SLC41A3: variants seen among roughly 807,000 people sequenced by gnomAD.
The protein encoded by SLC41A3 is SLC41A1-like 2.
In SLC41A3, 44 loss-of-function variants were observed where a neutral mutation model predicts 45.4. The ratio of observed to expected loss-of-function variants is 0.97; its 90% confidence interval spans 0.76 to 1.25. The LOEUF is 1.25. SLC41A3 is among the 50% of genes most tolerant of loss of function. The probability of loss-of-function intolerance (pLI) is 0.00; values close to 1 mark genes in which losing one functional copy is unlikely to be tolerated. For missense variants in SLC41A3, 550 were observed against 600.6 expected (o/e 0.92, Z 0.88); for synonymous variants, 256 against 252.4 (o/e 1.01, Z -0.13).
In SLC41A3 at chr3:126,016,710, G is replaced by A. The variant is rs367957047; in HGVS notation, c.890+21C>T. The A allele has an allele frequency of 8.2e-6, 13 of 1,594,694 alleles. No individual in the cohort carries two copies. The East Asian group carries it at 1.1e-4, about 14-fold the overall frequency. On this transcript the variant is annotated intron_variant, in intron 7 of 10. Coordinates refer to ENST00000360370, the MANE Select transcript of SLC41A3 (RefSeq NM_017836.4). Reference sequence around the variant, plus strand: ...ATGGCTGAGAGGAGGAAGAGGGGCCGTGGCCCTGGCTCCTGCTCACCTGCT... The same window carrying A: ...ATGGCTGAGAGGAGGAAGAGGGGCCATGGCCCTGGCTCCTGCTCACCTGCT...
intron 1 of SLC41A3, among the ~76,000 whole-genome samples, chr3:126,075,706 A>G (rs1220554188): frequency 1.3e-5 from 2 of 152,236 alleles, no homozygotes; most frequent in African/African-American, 2.4e-5. Flanking sequence ...TTTCTGACAA[A>G]GGTATAAAAA....
chr3:126,021,650 C>T lies in SLC41A3; in HGVS notation c.745+1136G>A, dbSNP rs541615107. 5.9e-5 allele frequency among the ~76,000 whole-genome samples: 9 copies of T among 152,294 alleles called. No homozygotes were observed. The South Asian group carries it at 1.7e-3, about 28-fold the overall frequency. On this transcript the variant is annotated intron_variant, in intron 6 of 10. Coordinates refer to ENST00000360370, the MANE Select transcript of SLC41A3 (RefSeq NM_017836.4). Reference sequence around the variant, plus strand: ...TTTCAGGGGGACAGATTTATAATTGCCTGACCATGGCTTGACAACTGCCCA... The same window carrying T: ...TTTCAGGGGGACAGATTTATAATTGTCTGACCATGGCTTGACAACTGCCCA...
At chr3:126,036,088 A>T (rs1315182330) in intron 3 of SLC41A3, among the ~76,000 whole-genome samples, 2 of 152,174 alleles carry the variant, frequency 1.3e-5, no homozygotes, top group African/African-American at 4.8e-5. Context: ...TTTTTAAAAA[A>T]CTTCTTTGAA....
chr3:126,071,575 G>A (rs1298376726), intron 1 of SLC41A3, among the ~76,000 whole-genome samples: 2 of 152,068 alleles, frequency 1.3e-5, no homozygotes, highest in African/African-American at 2.4e-5. Flanking sequence ...AACACTCCGC[G>A]CAACAATAGC....
chr3:126,049,934 A>T (rs1313718831), intron 3 of SLC41A3, among the ~76,000 whole-genome samples: 2 of 152,184 alleles, frequency 1.3e-5, no homozygotes, highest in Admixed American at 1.3e-4. Flanking sequence ...CAAAGCCAGG[A>T]GCACAGTATC....
chr3:126,094,576 T>A (rs1945557243), intron 1 of SLC41A3, among the ~76,000 whole-genome samples: 1 of 152,246 alleles, frequency 6.6e-6, no homozygotes, highest in Admixed American at 6.5e-5. Flanking sequence ...CTTCTCCTGC[T>A]GTAATTCCAA....
chr3:126,059,284 A>AAGAAAGAAAGAAAGAAAAGAAAG (rs2107962121), intron 2 of SLC41A3, among the ~76,000 whole-genome samples: 3 of 124,692 alleles, frequency 2.4e-5, no homozygotes, highest in Non-Finnish European at 5.4e-5. Flanking sequence ...GAAAGAAAGA[A>AAGAAAGAAAGAAAGAAAAGAAAG]AGAAAGAAAG....
intron 2 of SLC41A3, chr3:126,056,372 T>C: frequency 6.2e-7 from 1 of 1,614,008 alleles, no homozygotes; most frequent in Non-Finnish European, 8.5e-7. Context: ...ATGGTGTTCA[T>C]CACCAGGCCG....
At chr3:126,058,413 C>T (rs1943810634) in intron 2 of SLC41A3, among the ~76,000 whole-genome samples, 1 of 152,214 alleles carries the variant, frequency 6.6e-6, no homozygotes, top group Non-Finnish European at 1.5e-5. Context: ...TATCTCACTC[C>T]ACCAGTCTCT....
chr3:126,008,062 T>C (rs1046743804), intron 10 of SLC41A3, among the ~76,000 whole-genome samples: 3 of 152,192 alleles, frequency 2.0e-5, no homozygotes, highest in Non-Finnish European at 4.4e-5. Flanking sequence ...CCACCCACCG[T>C]TGGGGAGGCA....
At chr3:126,072,370 A>G (rs183239296) in intron 1 of SLC41A3, among the ~76,000 whole-genome samples, 15 of 133,384 alleles carry the variant, frequency 1.1e-4, no homozygotes, top group African/African-American at 3.7e-4. Context: ...TGTAAAAAAA[A>G]ATAAAAAAAA....
chr3:126,048,537 A>G (rs1248139913), intron 3 of SLC41A3, among the ~76,000 whole-genome samples: 3 of 152,238 alleles, frequency 2.0e-5, no homozygotes, highest in Admixed American at 2.0e-4. Context: ...CAAGCATATC[A>G]CTAATAAAAT....
At chr3:126,098,925 CTTTTTTTTT>C (rs57262035) in intron 1 of SLC41A3, among the ~76,000 whole-genome samples, 8 of 109,634 alleles carry the variant, frequency 7.3e-5, no homozygotes, top group African/African-American at 2.8e-4. Flanking sequence ...CATGACCTGG[CTTTTTTTTT>C]TTTTTTTTTT....
At chr3:126,050,226 C>CG (rs1187925495) in intron 3 of SLC41A3, among the ~76,000 whole-genome samples, 3 of 152,172 alleles carry the variant, frequency 2.0e-5, no homozygotes, top group Non-Finnish European at 4.4e-5. Context: ...AGCCCCCTGC[C>CG]CCCACCCCAC....
chr3:126,046,059 A>AC (rs994743121), intron 3 of SLC41A3, among the ~76,000 whole-genome samples: 13 of 85,768 alleles, frequency 1.5e-4, no homozygotes, highest in South Asian at 9.1e-4. Flanking sequence ...TTAAAAAAAA[A>AC]AAACACCCAA....
chr3:126,058,396 G>T (rs568017050), intron 2 of SLC41A3, among the ~76,000 whole-genome samples: 2 of 152,298 alleles, frequency 1.3e-5, no homozygotes, highest in Non-Finnish European at 2.9e-5. Context: ...TGGTAGGGAT[G>T]AGCATGTATC....
At chr3:126,095,199 A>G in intron 1 of SLC41A3, 1 of 690,624 alleles carries the variant, frequency 1.4e-6, no homozygotes, top group Non-Finnish European at 2.6e-6. Context: ...GCCAAAATCA[A>G]CAGCCGATTT....
chr3:126,010,543 A>G (rs1383544778), intron 9 of SLC41A3, among the ~76,000 whole-genome samples: 1 of 152,228 alleles, frequency 6.6e-6, no homozygotes, highest in Non-Finnish European at 1.5e-5. Context: ...GGCAAAACAG[A>G]CAACTTTCAG....
intron 3 of SLC41A3, among the ~76,000 whole-genome samples, chr3:126,042,951 A>G (rs1013006362): frequency 2.0e-5 from 3 of 152,236 alleles, no homozygotes; most frequent in East Asian, 1.9e-4. Flanking sequence ...TCCAGAAAGG[A>G]AAGAGATAAG....
Sources: gnomAD v4.1 joint callset for allele counts (sites outside exome capture counted in the v4.1 genomes callset) on GRCh38, gnomAD v4.1.1 for gene constraint, MANE v1.5 for transcripts, NCBI Gene and HGNC (gene_info 2026-07-23, HGNC 2026-07-21) for gene names.